The following FER variants were observed in gnomAD, a reference collection of about 807,000 sequenced individuals.
FER encodes FER tyrosine kinase, also known as tyrosine-protein kinase Fer.
Under a neutral mutation model 111.0 loss-of-function variants are expected in FER, and 63 were observed. The ratio of observed to expected loss-of-function variants is 0.57; its 90% CI spans 0.46 to 0.70. FER has a LOEUF of 0.70. FER is among the 30% of genes least tolerant of loss of function. FER has a pLI of 0.00. For synonymous variants in FER, 327 were observed against 313.9 expected, an observed-to-expected ratio of 1.04 and a Z score of -0.44; for missense variants, 914 against 954.0, an observed-to-expected ratio of 0.96 and a Z score of 0.55.
chr5:108,956,064 A>AGT, intron 12 of FER, among the ~76,000 whole-genome samples: 1 of 151,668 alleles, frequency 6.6e-6, no homozygotes, highest in Non-Finnish European at 1.5e-5. Context: ...ACTATTCGTT[A>AGT]ATTTTTCGTA....
chr5:108,833,521 G>T (rs1760271211), intron 4 of FER, among the ~76,000 whole-genome samples: 1 of 149,278 alleles, frequency 6.7e-6, no homozygotes, highest in Non-Finnish European at 1.5e-5. Flanking sequence ...TCATTTTAAA[G>T]GTATCATTTT....
chr5:108,808,843 G>A (rs557680590), intron 3 of FER, among the ~76,000 whole-genome samples: 3 of 152,224 alleles, frequency 2.0e-5, no homozygotes, highest in East Asian at 1.9e-4. Context: ...CTTCACTTAC[G>A]ATGCTTAGTT....
At chr5:108,822,709 ATTTATTTTAT>A (rs570033160) in intron 3 of FER, among the ~76,000 whole-genome samples, 1,236 of 121,484 alleles carry the variant, frequency 0.01, 10 homozygotes, top group East Asian at 0.04. Context: ...ATTTTATTTT[ATTTATTTTAT>A]TTTATTTTAT....
chr5:108,789,991 A>G (rs1489730931), intron 2 of FER, among the ~76,000 whole-genome samples: 3 of 152,180 alleles, frequency 2.0e-5, no homozygotes, highest in Non-Finnish European at 4.4e-5. Context: ...AAGTTACAGA[A>G]TAAAATGAAC....
At chr5:109,145,372 C>T (rs1006106304) in intron 17 of FER, among the ~76,000 whole-genome samples, 1 of 151,962 alleles carries the variant, frequency 6.6e-6, no homozygotes. Flanking sequence ...TTTACAACAA[C>T]ATGAGGAAGG....
chr5:109,112,086 G>A (rs1472740243), intron 17 of FER, among the ~76,000 whole-genome samples: 1 of 151,786 alleles, frequency 6.6e-6, no homozygotes, highest in Non-Finnish European at 1.5e-5. Flanking sequence ...GGGGAAAGAA[G>A]TAATGCAAAT....
At chr5:109,011,139 T>A (rs992144325) in intron 13 of FER, among the ~76,000 whole-genome samples, 1 of 151,978 alleles carries the variant, frequency 6.6e-6, no homozygotes, top group Non-Finnish European at 1.5e-5. Flanking sequence ...GCTATAGGTA[T>A]TGTTTTTATC....
chr5:108,770,037 C>T (rs924912416), intron 2 of FER, among the ~76,000 whole-genome samples: 108 of 152,298 alleles, frequency 7.1e-4, no homozygotes, highest in African/African-American at 2.5e-3. Context: ...CAACCTCCAC[C>T]TCTTGAGTTC....
rs1756248962 is a variant in FER at position 108,798,117 on chromosome 5, TAC to T, written c.-59-3_-59-2del. ...TAAGAGTTTTTCTCTTTTGTTTACA[TAC>T]ACAGATATGTGCTGATTAGAAGGCT... On this transcript the variant is annotated splice_polypyrimidine_tract_variant and splice_region_variant and intron_variant, in intron 2 of 19. Coordinates refer to ENST00000281092, the MANE Select transcript of FER (RefSeq NM_005246.4). The T allele has an allele frequency of 8.8e-7, 1 of 1,136,264 alleles. No homozygotes were observed. Among genetic ancestry groups the T allele is most frequent in the African/African-American group, 1.6e-5 (1 of 63,632 alleles). The allele number at this position is 1,136,264 out of a possible 1,614,324, so 70.4% of individuals were successfully genotyped here. A position where few individuals can be genotyped will look rare whatever the true frequency, so the allele number is the denominator to read the frequency against.
intron 11 of FER, among the ~76,000 whole-genome samples, chr5:108,947,623 C>T (rs969246855): frequency 6.6e-6 from 1 of 151,726 alleles, no homozygotes; most frequent in Non-Finnish European, 1.5e-5. Context: ...TTTTTTCTCA[C>T]CCTTCGGATT....
At chr5:108,823,330 T>A (rs1227366939) in intron 3 of FER, among the ~76,000 whole-genome samples, 1 of 152,250 alleles carries the variant, frequency 6.6e-6, no homozygotes, top group African/African-American at 2.4e-5. Context: ...ATATAACAGT[T>A]CTATTTTTAA....
At chr5:108,999,633 T>C (rs931870818) in intron 13 of FER, among the ~76,000 whole-genome samples, 1 of 152,078 alleles carries the variant, frequency 6.6e-6, no homozygotes, top group African/African-American at 2.4e-5. Context: ...CTTCCCAATA[T>C]GTTTGTACCA....
At chr5:108,802,233 A>G (rs928773970) in intron 3 of FER, among the ~76,000 whole-genome samples, 2 of 152,070 alleles carry the variant, frequency 1.3e-5, no homozygotes, top group African/African-American at 4.8e-5. Context: ...TTTTTTTTAA[A>G]AGGCTACTGG....
chr5:109,011,384 G>A (rs951855521), intron 13 of FER, among the ~76,000 whole-genome samples: 1 of 152,138 alleles, frequency 6.6e-6, no homozygotes. Flanking sequence ...CAAAGAATTA[G>A]TGAGATAAGG....
intron 16 of FER, among the ~76,000 whole-genome samples, chr5:109,086,137 T>A (rs1039922866): frequency 6.6e-6 from 1 of 151,778 alleles, no homozygotes; most frequent in South Asian, 2.1e-4. Context: ...TTTTATAGAA[T>A]TTACCAATGA....
chr5:108,788,611 T>G (rs758921799), intron 2 of FER, among the ~76,000 whole-genome samples: 43 of 152,040 alleles, frequency 2.8e-4, no homozygotes, highest in Non-Finnish European at 5.4e-4. Context: ...ATTTCTATCC[T>G]TTGGTTGGTT....
chr5:108,857,759 T>A (rs1258425949), intron 5 of FER, among the ~76,000 whole-genome samples: 1 of 152,212 alleles, frequency 6.6e-6, no homozygotes, highest in Non-Finnish European at 1.5e-5. Flanking sequence ...TGTATTAGAA[T>A]GAACTCACAG....
At chr5:108,867,572 C>T (rs551703111) in intron 5 of FER, among the ~76,000 whole-genome samples, 195 bp from the exon 6 acceptor site, 1 of 152,142 alleles carries the variant, frequency 6.6e-6, no homozygotes, top group South Asian at 2.1e-4. Flanking sequence ...TCCTTGGCAA[C>T]CTTTGTGTTA....
At chr5:109,052,001 G>C (rs201683012) in intron 16 of FER, 9 of 1,583,324 alleles carry the variant, frequency 5.7e-6, no homozygotes, top group Middle Eastern at 3.3e-4. Flanking sequence ...ATGTAGGTTC[G>C]CAGCAACCCC....
Sources: gnomAD v4.1 joint callset for allele counts (sites outside exome capture counted in the v4.1 genomes callset) on GRCh38, gnomAD v4.1.1 for gene constraint, MANE v1.5 for transcripts, NCBI Gene and HGNC (gene_info 2026-07-23, HGNC 2026-07-21) for gene names.